HIP1: variants seen among roughly 807,000 people sequenced by gnomAD.
HIP1 encodes huntingtin-interacting protein 1.
Under a neutral mutation model 147.6 loss-of-function variants are expected in HIP1, and 65 were observed. The ratio of observed to expected loss-of-function variants is 0.44; its 90% CI spans 0.36 to 0.54. The LOEUF (loss-of-function observed/expected upper bound fraction) is 0.54, where lower values mean the gene tolerates loss of function less well. Among genes scored for constraint, HIP1 ranks in the 20% least tolerant of loss-of-function variants. The pLI is 0.00. For synonymous variants in HIP1, 479 were observed against 504.0 expected (o/e 0.95, Z 0.67); for missense variants, 1,061 against 1,299.6 (o/e 0.82, Z 2.82).
At chr7:75,576,719 AAAAC>A (rs1795859097) in intron 7 of HIP1, among the ~76,000 whole-genome samples, 1 of 152,142 alleles carries the variant, frequency 6.6e-6, no homozygotes, top group South Asian at 2.1e-4. Flanking sequence ...AGAGAAAACA[AAAAC>A]AAAAAAAACG....
intron 1 of HIP1, among the ~76,000 whole-genome samples, chr7:75,645,509 G>A (rs1798773776): frequency 6.6e-6 from 1 of 152,170 alleles, no homozygotes. Context: ...TTACAGATGT[G>A]AGCCACTGCA....
At position 75,633,294 on chromosome 7, in the gene HIP1, C is replaced by A. The variant is rs1798302943; in HGVS notation, c.121-34047G>T. Reference sequence around the variant, plus strand: ...TGGATGTTTTCTCATCTATTTCACTCGTGTTTTTATTTTTTTGAGATGGTC... The same window carrying A: ...TGGATGTTTTCTCATCTATTTCACTAGTGTTTTTATTTTTTTGAGATGGTC... On this transcript the variant is annotated intron_variant, in intron 1 of 30. Transcript: ENST00000336926. 1.3e-5 allele frequency among the ~76,000 whole-genome samples: 2 copies of A among 152,052 alleles called. 1 individual carries two copies. Among genetic ancestry groups the A allele is most frequent in the Admixed American group, 1.3e-4 (2 of 15,242 alleles).
At chr7:75,547,513 C>T (rs1794613488) in intron 24 of HIP1, among the ~76,000 whole-genome samples, 1 of 152,148 alleles carries the variant, frequency 6.6e-6, no homozygotes, top group Non-Finnish European at 1.5e-5. Flanking sequence ...GGTGATCCTC[C>T]CTCCTCAGCC....
rs1794676812 is a variant in HIP1, at chr7:75,548,991, G to T, written c.2306C>A (p.Pro769His). ...CTCCTGCTTGATGTCCAGTCCCCTG[G>T]GCAGGAGCTCCTGTGAACACATCAC... ...KIKAIGEELL[P>H]RGLDIKQEEL... Residue 769 changes from proline (P) to histidine (H), a missense_variant, in exon 23 of 31, where the codon CCC becomes CAC. Pro to His is a moderately conservative substitution (Grantham distance 77). Coordinates refer to ENST00000336926, the MANE Select transcript of HIP1 (RefSeq NM_005338.7). 3 of 1,612,868 alleles carry T rather than the reference G, an allele frequency of 1.9e-6. No homozygotes were observed. Among genetic ancestry groups the T allele is most frequent in the Admixed American group, 1.7e-5 (1 of 59,984 alleles).
chr7:75,560,167 G>A (rs6962352), intron 13 of HIP1, among the ~76,000 whole-genome samples: 80,951 of 151,832 alleles, frequency 0.53, 21,876 homozygotes, highest in South Asian at 0.61. Flanking sequence ...CCCTGTGGGT[G>A]AAGTCACCTG....
chr7:75,709,347 A>G (rs1801098017), intron 1 of HIP1, among the ~76,000 whole-genome samples: 1 of 152,130 alleles, frequency 6.6e-6, no homozygotes, highest in Non-Finnish European at 1.5e-5. Flanking sequence ...TCCTGACCTC[A>G]GGTGATCCTC....
chr7:75,735,952 G>T (rs1024490357), intron 1 of HIP1, among the ~76,000 whole-genome samples: 3 of 151,932 alleles, frequency 2.0e-5, no homozygotes, highest in Non-Finnish European at 4.4e-5. Flanking sequence ...AACACCAGAG[G>T]CTGGGTGCAG....
Position 75,704,519 on chromosome 7 carries a change from C to A in HIP1, c.120+34282G>T, listed in dbSNP as rs531470618. 5.9e-5 allele frequency among the ~76,000 whole-genome samples: 9 copies of A among 152,094 alleles called. No individual in the cohort carries two copies. The South Asian group carries it at 1.9e-3, about 32-fold the overall frequency. ...TTGGCCTCCCAAAGTGCTGGGATTACAGGCATGAGCCACTGCACCCAGCCT... is the reference window on the plus strand; with the variant it reads ...TTGGCCTCCCAAAGTGCTGGGATTAAAGGCATGAGCCACTGCACCCAGCCT... On this transcript the variant is annotated intron_variant, in intron 1 of 30. Transcript: ENST00000336926.
At chr7:75,620,013 A>T (rs930215480) in intron 1 of HIP1, among the ~76,000 whole-genome samples, 2 of 152,206 alleles carry the variant, frequency 1.3e-5, no homozygotes, top group Admixed American at 1.3e-4. Flanking sequence ...TCAGGGAACA[A>T]CTGCTCTGAA....
At chr7:75,706,225 T>C (rs1395444977) in intron 1 of HIP1, among the ~76,000 whole-genome samples, 1 of 152,140 alleles carries the variant, frequency 6.6e-6, no homozygotes, top group Non-Finnish European at 1.5e-5. Flanking sequence ...ACCACCTGAC[T>C]GTTTTCTACA....
At chr7:75,581,136 A>G (rs981061386) in intron 7 of HIP1, 101 bp downstream of exon 7, 4 of 878,186 alleles carry the variant, frequency 4.6e-6, no homozygotes, top group Admixed American at 4.3e-5. Flanking sequence ...GAATGTCTCC[A>G]TTTTCCTACC....
rs1554493836 is a variant in HIP1 at position 75,558,239 on chromosome 7, A to G, written c.1392T>C (p.Asn464=). 4 of 1,614,070 alleles carry G rather than the reference A, an allele frequency of 2.5e-6. No homozygotes were observed. The highest frequency in any genetic ancestry group is 8.5e-7 in the Non-Finnish European group (1 of 1,179,940). ...CCTTTAGCTTGCTATATCGCTGTTC[A>G]TTGGCTTGAGCTTTCCCTGTATTGT... ...LSEIERKAQA[N]EQRYSKLKEK... Residue 464 remains asparagine, a synonymous_variant, in exon 15 of 31, where the codon AAT becomes AAC. Coordinates refer to ENST00000336926, the MANE Select transcript of HIP1 (RefSeq NM_005338.7).
chr7:75,612,210 G>A (rs940574520), intron 1 of HIP1, among the ~76,000 whole-genome samples: 1 of 152,100 alleles, frequency 6.6e-6, no homozygotes, highest in South Asian at 2.1e-4. Flanking sequence ...AAGGAGAAGG[G>A]CAAAACAAAG....
Position 75,556,184 on chromosome 7 carries a change from A to C in HIP1, c.1684-15T>G. On this transcript the variant is annotated splice_polypyrimidine_tract_variant and intron_variant, in intron 17 of 30. Coordinates refer to ENST00000336926, the MANE Select transcript of HIP1 (RefSeq NM_005338.7). Reference sequence around the variant, plus strand: ...TTTGCTTCTGACTGCAAAGGTGACCACAAGGAAAGAGGGAGACGCTGGTTG... The same window carrying C: ...TTTGCTTCTGACTGCAAAGGTGACCCCAAGGAAAGAGGGAGACGCTGGTTG... The C allele has an allele frequency of 6.2e-7, 1 of 1,613,284 alleles. No individual in the cohort carries two copies. Among genetic ancestry groups the C allele is most frequent in the Non-Finnish European group, 8.5e-7 (1 of 1,179,698 alleles).
rs1243693412 is a variant in HIP1 at position 75,688,993 on chromosome 7, T to C, written c.120+49808A>G. 3.3e-5 allele frequency among the ~76,000 whole-genome samples: 5 copies of C among 152,084 alleles called. No homozygotes were observed. In the East Asian group the frequency reaches 9.7e-4, roughly 29 times the overall value. On this transcript the variant is annotated intron_variant, in intron 1 of 30. Coordinates refer to ENST00000336926, the MANE Select transcript of HIP1 (RefSeq NM_005338.7). The stretch of plus-strand genomic sequence containing the variant: ...GCAGCCTGCCGGCAGCCAGTCACCA[T>C]GATGTGAAAGCAAACAAACAGAGTG...
intron 5 of HIP1, among the ~76,000 whole-genome samples, chr7:75,582,800 G>A (rs1179679489): frequency 6.6e-6 from 1 of 151,884 alleles, no homozygotes; most frequent in African/African-American, 2.4e-5. Flanking sequence ...GTGAGACTCC[G>A]TCTCCCCCAC....
At chr7:75,727,583 C>T (rs181485249) in intron 1 of HIP1, among the ~76,000 whole-genome samples, 192 of 152,174 alleles carry the variant, frequency 1.3e-3, no homozygotes, top group African/African-American at 4.4e-3. Context: ...CAGTGGCTCA[C>T]GCCTATAATA....
Position 75,555,452 on chromosome 7 carries a change from C to T in HIP1, c.1927G>A (p.Glu643Lys), listed in dbSNP as rs1554493054. ...QVIQDALNQL[E>K]EPPLISCAGS... ...GCGCAGCTGATGAGAGGAGGTTCTT[C>T]AAGCTGGTTCAGGGCGTCTTGTATC... Residue 643 changes from glutamate (E) to lysine (K), a missense_variant, in exon 19 of 31, where the codon GAA becomes AAA. Physicochemically the swap from Glu to Lys is moderately conservative, Grantham distance 56. Coordinates refer to ENST00000336926, the MANE Select transcript of HIP1 (RefSeq NM_005338.7). 4 of 1,614,102 alleles carry T rather than the reference C, an allele frequency of 2.5e-6. No homozygotes were observed. The highest frequency in any genetic ancestry group is 3.4e-6 in the Non-Finnish European group (4 of 1,180,042).
rs587707757 is a variant in HIP1, at chr7:75,582,004, G to C, written c.542+71C>G. On this transcript the variant is annotated intron_variant, in intron 6 of 30. Transcript: ENST00000336926. ...GGCCTCCCCCCATCAGGCCCTCCAT[G>C]ACCCTTATGAGAAGTGTCAGCATTC... 2.4e-4 allele frequency: 317 copies of C among 1,299,266 alleles called. 1 individual carries two copies. The Admixed American group carries it at 5.7e-3, about 24-fold the overall frequency. 80.5% of individuals were successfully genotyped at this position (1,299,266 alleles called of 1,614,324 possible).
Sources: gnomAD v4.1 joint callset for allele counts (sites outside exome capture counted in the v4.1 genomes callset) on GRCh38, gnomAD v4.1.1 for gene constraint, MANE v1.5 for transcripts, NCBI Gene and HGNC (gene_info 2026-07-23, HGNC 2026-07-21) for gene names.